The following CNTN5 variants were observed in gnomAD, a reference collection of about 807,000 sequenced individuals.
CNTN5 encodes contactin-5.
In CNTN5, 77 loss-of-function variants were observed where a neutral mutation model predicts 129.1. The ratio of observed to expected loss-of-function variants is 0.60; its 90% CI spans 0.50 to 0.72. The LOEUF is 0.72. CNTN5 is among the 30% of genes least tolerant of loss of function. The pLI is 0.00. For missense variants in CNTN5, 1,478 were observed against 1,328.8 expected (o/e 1.11, Z -1.75); for synonymous variants, 509 against 465.6 (o/e 1.09, Z -1.20).
intron 15 of CNTN5, among the ~76,000 whole-genome samples, chr11:100,213,202 C>T (rs1465231246): frequency 6.6e-6 from 1 of 152,032 alleles, no homozygotes; most frequent in African/African-American, 2.4e-5. Flanking sequence ...AACAATCAAG[C>T]CCTATCAATA....
intron 6 of CNTN5, among the ~76,000 whole-genome samples, chr11:99,848,668 CAT>C: frequency 6.6e-6 from 1 of 152,186 alleles, no homozygotes; most frequent in South Asian, 2.1e-4. Context: ...GGCATATTTG[CAT>C]ATGTTACTCA....
At chr11:99,835,996 A>G (rs1327376475) in intron 4 of CNTN5, among the ~76,000 whole-genome samples, 2 of 152,138 alleles carry the variant, frequency 1.3e-5, no homozygotes, top group Non-Finnish European at 2.9e-5. Flanking sequence ...AAGCAAGTTT[A>G]TTAAGAAAGT....
At chr11:99,562,783 A>G (rs1380733556) in intron 3 of CNTN5, among the ~76,000 whole-genome samples, 1 of 151,932 alleles carries the variant, frequency 6.6e-6, no homozygotes, top group South Asian at 2.1e-4. Context: ...TGATCTTGCC[A>G]TTTACCTGGA....
intron 1 of CNTN5, among the ~76,000 whole-genome samples, chr11:99,299,154 C>T (rs1025975026): frequency 2.0e-5 from 3 of 151,908 alleles, no homozygotes; most frequent in African/African-American, 7.3e-5. Flanking sequence ...GGAAAATATA[C>T]CACATATACA....
intron 1 of CNTN5, among the ~76,000 whole-genome samples, chr11:99,283,710 A>C (rs891495008): frequency 3.3e-5 from 5 of 152,170 alleles, no homozygotes; most frequent in Non-Finnish European, 5.9e-5. Context: ...TGTAGGAAAC[A>C]AAATGTGATC....
At chr11:100,070,623 CTA>C in intron 11 of CNTN5, 63 bp downstream of exon 11, 1 of 1,518,416 alleles carries the variant, frequency 6.6e-7, no homozygotes, top group Non-Finnish European at 9.1e-7. Context: ...ACAGGACAAA[CTA>C]GGCTTCTTTA....
intron 6 of CNTN5, among the ~76,000 whole-genome samples, chr11:99,894,536 A>C (rs1949153381): frequency 6.6e-6 from 1 of 150,592 alleles, no homozygotes; most frequent in Non-Finnish European, 1.5e-5. Flanking sequence ...AAAACCAAAA[A>C]ACAAAAAACA....
chr11:99,880,333 T>C (rs1423990992), intron 6 of CNTN5, among the ~76,000 whole-genome samples: 1 of 152,126 alleles, frequency 6.6e-6, no homozygotes, highest in Non-Finnish European at 1.5e-5. Context: ...ATAATACTCA[T>C]AGAATAAGAA....
At chr11:100,119,418 C>T (rs2138154934) in intron 13 of CNTN5, among the ~76,000 whole-genome samples, 1 of 151,884 alleles carries the variant, frequency 6.6e-6, no homozygotes, top group African/African-American at 2.4e-5. Context: ...TACTACTTGG[C>T]AAAGTACAAC....
At chr11:99,800,956 A>G (rs1946096117) in intron 3 of CNTN5, among the ~76,000 whole-genome samples, 1 of 152,066 alleles carries the variant, frequency 6.6e-6, no homozygotes, top group Non-Finnish European at 1.5e-5. Context: ...AAGTTTTGAT[A>G]CTGTCATGAA....
At chr11:100,158,000 G>A (rs1947314659) in intron 13 of CNTN5, among the ~76,000 whole-genome samples, 1 of 151,558 alleles carries the variant, frequency 6.6e-6, no homozygotes, top group Admixed American at 6.6e-5. Context: ...TTGGAGTGGA[G>A]CAGAAAAATT....
intron 3 of CNTN5, among the ~76,000 whole-genome samples, chr11:99,809,106 G>A (rs760915584): frequency 6.6e-6 from 1 of 152,154 alleles, no homozygotes; most frequent in Non-Finnish European, 1.5e-5. Context: ...CATGTGGAGT[G>A]AGGACTCCCC....
At chr11:99,337,136 G>C (rs1866263519) in intron 2 of CNTN5, among the ~76,000 whole-genome samples, 1 of 152,186 alleles carries the variant, frequency 6.6e-6, no homozygotes, top group South Asian at 2.1e-4. Context: ...CTAATATTAA[G>C]GTGTATGTGA....
At chr11:99,457,804 A>AT (rs939288825) in intron 2 of CNTN5, among the ~76,000 whole-genome samples, 9 of 151,480 alleles carry the variant, frequency 5.9e-5, no homozygotes, top group Non-Finnish European at 1.0e-4. Flanking sequence ...ACTTTTATGT[A>AT]TTTTTTTTAA....
chr11:99,425,442 C>G (rs1197466825), intron 2 of CNTN5, among the ~76,000 whole-genome samples: 1 of 152,224 alleles, frequency 6.6e-6, no homozygotes, highest in Non-Finnish European at 1.5e-5. Flanking sequence ...AGGCCCAGGC[C>G]AAGACACCCA....
intron 13 of CNTN5, among the ~76,000 whole-genome samples, chr11:100,082,959 A>T (rs1944417294): frequency 6.6e-6 from 1 of 152,072 alleles, no homozygotes. Flanking sequence ...ACCTCAGGAA[A>T]CTAACAAGCA....
At chr11:99,435,164 ATTC>A (rs1943551021) in intron 2 of CNTN5, among the ~76,000 whole-genome samples, 2 of 152,228 alleles carry the variant, frequency 1.3e-5, no homozygotes, top group South Asian at 2.1e-4. Flanking sequence ...GGACAAATAT[ATTC>A]TTCTTTTCAT....
chr11:99,806,947 C>A (rs117796863), intron 3 of CNTN5, among the ~76,000 whole-genome samples: 2 of 151,720 alleles, frequency 1.3e-5, no homozygotes, highest in African/African-American at 4.8e-5. Flanking sequence ...AAATTGGAAG[C>A]AAAACACTAC....
intron 8 of CNTN5, among the ~76,000 whole-genome samples, chr11:99,968,807 G>A (rs575477638): frequency 6.6e-6 from 1 of 151,376 alleles, no homozygotes; most frequent in Non-Finnish European, 1.5e-5. Context: ...AAGGGGACTG[G>A]GAAAGTTTTG....
Sources: allele counts gnomAD v4.1 joint callset (sites outside exome capture counted in the v4.1 genomes callset), GRCh38; gene constraint gnomAD v4.1.1; transcripts MANE v1.5; gene names NCBI Gene and HGNC (gene_info 2026-07-23, HGNC 2026-07-21).